KRT7: variants seen among roughly 807,000 people sequenced by gnomAD.
The protein encoded by KRT7 is keratin 7, also known as keratin, type II cytoskeletal 7.
KRT7 carries 50 observed loss-of-function variants against 42.8 expected under a neutral mutation model. The ratio of observed to expected loss-of-function variants is 1.17; its 90% CI spans 0.93 to 1.48. The LOEUF (loss-of-function observed/expected upper bound fraction) is 1.48. Among genes scored for constraint, KRT7 ranks in the 40% most tolerant of loss-of-function variants. KRT7 has a pLI of 0.00. For missense variants in KRT7, 588 were observed against 637.6 expected, an observed-to-expected ratio of 0.92 and a Z score of 0.84; for synonymous variants, 268 against 266.3, an observed-to-expected ratio of 1.01 and a Z score of -0.06.
intron 2 of KRT7, among the ~76,000 whole-genome samples, chr12:52,235,955 T>C (rs1325908950): frequency 6.6e-6 from 1 of 152,152 alleles, no homozygotes; most frequent in African/African-American, 2.4e-5. Context: ...GGTCTGGTCA[T>C]GGCAGGAGCC....
At position 52,245,468 on chromosome 12, in the gene KRT7, C is replaced by T; in HGVS notation, c.1041C>T (p.Leu347=). ...CTGAGGAGCGTGGGGAGCTGGCGCT[C>T]AAGGATGCTCGTGCCAAGCAGGAGG... ...AEAEERGELA[L]KDARAKQEEL... is the part of the protein sequence containing the mutation. Residue 347 remains leucine, a synonymous_variant, in exon 7 of 9, where the codon CTC becomes CTT. Transcript: ENST00000331817. 2 of 1,613,988 alleles carry T rather than the reference C, an allele frequency of 1.2e-6. No homozygotes were observed. The highest frequency in any genetic ancestry group is 1.7e-6 in the Non-Finnish European group (2 of 1,179,978).
downstream of KRT7, chr12:52,250,341 G>A: frequency 2.9e-6 from 1 of 346,116 alleles, no homozygotes; most frequent in South Asian, 2.5e-5. Context: ...CGCGGCGTGG[G>A]GGCCGATGGG....
At chr12:52,247,522 G>C (rs1387773421) in intron 7 of KRT7, 1 of 152,582 alleles carries the variant, frequency 6.6e-6, no homozygotes, top group African/African-American at 2.4e-5. Flanking sequence ...CAAGGCCTTG[G>C]TGACAATGGG....
downstream of KRT7, among the ~76,000 whole-genome samples, chr12:52,253,026 C>G (rs1942289607): frequency 6.6e-6 from 1 of 152,204 alleles, no homozygotes; most frequent in Admixed American, 6.5e-5. Flanking sequence ...ACCTCATTCC[C>G]TCCATATTGC....
At chr12:52,252,105 C>G (rs2121129315), downstream of KRT7, 2 of 983,672 alleles carry the variant, frequency 2.0e-6, no homozygotes, top group Non-Finnish European at 3.1e-6. Flanking sequence ...GGGAGCAAAG[C>G]TGGTGAAATC....
Position 52,236,269 on chromosome 12 carries a change from C to G in KRT7, c.536+903C>G, listed in dbSNP as rs369694965. Among the ~76,000 whole-genome samples, 37 of 151,376 alleles carry G rather than the reference C, an allele frequency of 2.4e-4. 1 individual carries two copies. The South Asian group carries it at 4.2e-3, about 17-fold the overall frequency. ...TAGTCCCATAGCAGGTGGAACCAGACAGGTGCAGAGTAGGGAAGGTGTGGG... is the reference window on the plus strand; with the variant it reads ...TAGTCCCATAGCAGGTGGAACCAGAGAGGTGCAGAGTAGGGAAGGTGTGGG... On this transcript the variant is annotated intron_variant, in intron 2 of 8. Transcript: ENST00000331817.
At chr12:52,237,153 T>C (rs1284260502) in intron 2 of KRT7, among the ~76,000 whole-genome samples, 21 of 152,198 alleles carry the variant, frequency 1.4e-4, no homozygotes, top group Admixed American at 1.4e-3. Flanking sequence ...GCTGTGAGGA[T>C]GAAATGAGCT....
chr12:52,234,135 G>A (rs866263420), intron 1 of KRT7, among the ~76,000 whole-genome samples: 1 of 147,968 alleles, frequency 6.8e-6, no homozygotes, highest in Non-Finnish European at 1.5e-5. Context: ...GGAGGGGGGG[G>A]GGCTCCCGCC....
At chr12:52,245,863 G>A (rs1242453313) in intron 7 of KRT7, 5 of 583,854 alleles carry the variant, frequency 8.6e-6, no homozygotes, top group Non-Finnish European at 1.2e-5. Context: ...AATGATAACA[G>A]TCCCTTTGTG....
At chr12:52,248,290 G>T (rs1025070104) in intron 8 of KRT7, 79 bp downstream of exon 8, 1 of 1,441,520 alleles carries the variant, frequency 6.9e-7, no homozygotes. Context: ...TGGCAGACTG[G>T]CCCAGGGCCC....
downstream of KRT7, among the ~76,000 whole-genome samples, chr12:52,250,961 G>C (rs529496614): frequency 6.6e-6 from 1 of 152,304 alleles, no homozygotes; most frequent in South Asian, 2.1e-4. Flanking sequence ...TCTGTGGCGA[G>C]GGTGGCCAAC....
At chr12:52,250,518 C>T, downstream of KRT7, 1 of 807,244 alleles carries the variant, frequency 1.2e-6, no homozygotes, top group East Asian at 2.8e-5. Context: ...GCAGGGCGCA[C>T]ACAGGCCGGT....
chr12:52,245,082 T>C (rs1249929898), intron 6 of KRT7: 2 of 411,388 alleles, frequency 4.9e-6, no homozygotes, highest in Admixed American at 8.8e-5. Context: ...GCACTTGCTG[T>C]GTGCTAGACA....
chr12:52,252,558 A>C (rs895521853), downstream of KRT7: 8 of 1,536,646 alleles, frequency 5.2e-6, no homozygotes, highest in Non-Finnish European at 7.1e-6. Context: ...CTGACCACTG[A>C]CTAGCAGAAG....
At chr12:52,244,408 C>T in intron 6 of KRT7, 4 of 985,748 alleles carry the variant, frequency 4.1e-6, no homozygotes, top group Non-Finnish European at 3.6e-6. Context: ...TCTACCACCA[C>T]TGAGGGGCGT....
At chr12:52,243,312 A>G in intron 6 of KRT7, 175 bp downstream of exon 6, 1 of 699,954 alleles carries the variant, frequency 1.4e-6, no homozygotes. Flanking sequence ...AGGTCCTGGC[A>G]TGGGCTGATG....
intron 3 of KRT7, 133 bp downstream of exon 3, chr12:52,237,702 A>T: frequency 1.6e-6 from 1 of 624,476 alleles, no homozygotes; most frequent in Non-Finnish European, 2.9e-6. Flanking sequence ...GGAAGTCTGC[A>T]CAGCCTGTCC....
rs527544634 is a variant in KRT7 at position 52,242,441 on chromosome 12, T to C, written c.859-571T>C. ...TACTTCATGGTGGCAGGACAGTTGA[T>C]GGTGCAGGGGCTGAGGGAGCAGGAG... is the stretch of plus-strand genomic sequence containing the variant. On this transcript the variant is annotated intron_variant, in intron 5 of 8. Transcript: ENST00000331817. Among the ~76,000 whole-genome samples, 51 of 152,248 alleles carry C rather than the reference T, an allele frequency of 3.3e-4. 1 individual carries two copies. The South Asian group carries it at 9.8e-3, about 29-fold the overall frequency.
downstream of KRT7, chr12:52,253,132 C>T (rs1200795623): frequency 2.3e-6 from 3 of 1,327,800 alleles, no homozygotes; most frequent in East Asian, 6.9e-5. Flanking sequence ...CACACACTGG[C>T]AAGGGGTCTA....
Sources: gnomAD v4.1 joint callset for allele counts (sites outside exome capture counted in the v4.1 genomes callset) on GRCh38, gnomAD v4.1.1 for gene constraint, MANE v1.5 for transcripts, NCBI Gene and HGNC (gene_info 2026-07-23, HGNC 2026-07-21) for gene names.